The following MED27 variants were observed in gnomAD, a reference collection of about 807,000 sequenced individuals.
MED27 encodes mediator complex subunit 27, also known as mediator of RNA polymerase II transcription subunit 27.
A neutral mutation model predicts 38.2 loss-of-function variants in MED27; 30 were observed. The observed-to-expected ratio is 0.79, with a 90% confidence interval of 0.59 to 1.07. The LOEUF is 1.07. Ranked by LOEUF, MED27 falls within the 50% of genes least tolerant of loss-of-function variation. The pLI is 0.00. For synonymous variants in MED27, 122 were observed against 153.5 expected, an observed-to-expected ratio of 0.79 and a Z score of 1.52; for missense variants, 289 against 397.5, an observed-to-expected ratio of 0.73 and a Z score of 2.32.
At chr9:131,993,909 G>A (rs1236996794) in intron 3 of MED27, among the ~76,000 whole-genome samples, 3 of 152,140 alleles carry the variant, frequency 2.0e-5, no homozygotes, top group Non-Finnish European at 4.4e-5. Context: ...CTGAGCGGGT[G>A]TGTGTGAGTG....
chr9:132,028,081 C>A (rs954691359), intron 2 of MED27, among the ~76,000 whole-genome samples: 6 of 152,186 alleles, frequency 3.9e-5, no homozygotes, highest in African/African-American at 1.4e-4. Context: ...TTCCACCTGC[C>A]TCACCAGCAT....
chr9:131,930,032 CAGAG>C (rs112511169), intron 4 of MED27, among the ~76,000 whole-genome samples: 1 of 151,086 alleles, frequency 6.6e-6, no homozygotes, highest in African/African-American at 2.4e-5. Flanking sequence ...TGGCTTAGCA[CAGAG>C]AGAGAGAGAG....
At chr9:132,033,666 C>A (rs573645820) in intron 2 of MED27, among the ~76,000 whole-genome samples, 1 of 152,184 alleles carries the variant, frequency 6.6e-6, no homozygotes, top group African/African-American at 2.4e-5. Context: ...GAGTTAATAA[C>A]GGAATGCTGC....
chr9:132,012,255 A>G (rs1338350655), intron 3 of MED27, among the ~76,000 whole-genome samples: 1 of 152,246 alleles, frequency 6.6e-6, no homozygotes, highest in Non-Finnish European at 1.5e-5. Context: ...TAGAGAGCTG[A>G]AAGTTGAGAT....
At chr9:131,879,388 G>A (rs1838995904) in intron 6 of MED27, among the ~76,000 whole-genome samples, 1 of 152,152 alleles carries the variant, frequency 6.6e-6, no homozygotes, top group African/African-American at 2.4e-5. Flanking sequence ...GCTTCTTGTG[G>A]GCAAGAAAAC....
At chr9:132,005,640 A>T (rs1380549462) in intron 3 of MED27, among the ~76,000 whole-genome samples, 1 of 152,214 alleles carries the variant, frequency 6.6e-6, no homozygotes, top group East Asian at 1.9e-4. Context: ...TCTTTTGGCA[A>T]CTGAATAATT....
chr9:131,912,482 C>T lies in MED27; in HGVS notation c.574-18490G>A, dbSNP rs143404521. ...TGGTTTGATACCACACCTGACTTCA[C>T]TCACTCCCATGTCACTCCCTGCAGG... On this transcript the variant is annotated intron_variant, in intron 4 of 7. Transcript: ENST00000292035. Among the ~76,000 whole-genome samples, 43 of 152,270 alleles carry T rather than the reference C, an allele frequency of 2.8e-4. No homozygotes were observed. In the East Asian group the frequency reaches 7.5e-3, roughly 27 times the overall value.
intron 3 of MED27, among the ~76,000 whole-genome samples, chr9:132,008,513 T>C (rs1271731114): frequency 6.6e-6 from 1 of 152,236 alleles, no homozygotes; most frequent in Non-Finnish European, 1.5e-5. Flanking sequence ...TCTTTCATCA[T>C]GAACAAGATC....
At chr9:132,027,224 G>C (rs914552000) in intron 2 of MED27, among the ~76,000 whole-genome samples, 2 of 152,196 alleles carry the variant, frequency 1.3e-5, no homozygotes, top group Non-Finnish European at 2.9e-5. Context: ...GCACAGTTGT[G>C]CTCTGGTTAC....
intron 2 of MED27, among the ~76,000 whole-genome samples, chr9:132,062,694 T>C (rs1833724825): frequency 6.6e-6 from 1 of 151,928 alleles, no homozygotes; most frequent in Non-Finnish European, 1.5e-5. Context: ...CACAGCTCAC[T>C]ATAGCCTCAA....
At chr9:131,896,675 G>T (rs1829837433) in intron 4 of MED27, among the ~76,000 whole-genome samples, 1 of 151,914 alleles carries the variant, frequency 6.6e-6, no homozygotes, top group African/African-American at 2.4e-5. Flanking sequence ...ATTATCAAAG[G>T]CTTATGGTTT....
At chr9:131,908,202 G>C (rs1270672752) in intron 4 of MED27, among the ~76,000 whole-genome samples, 1 of 149,036 alleles carries the variant, frequency 6.7e-6, no homozygotes, top group Non-Finnish European at 1.5e-5. Flanking sequence ...CGCCCTACTG[G>C]GAAGTGAGGA....
chr9:132,014,428 G>T lies in MED27; in HGVS notation c.388C>A (p.Gln130Lys). ...TTAGCGGAACGCTTCAATGACTGCT[G>T]ATTTAAAAGGCCAGATGCTAGTCCT... ...HAGLASGLLNQQSLKRSANQM... is the reference protein window; with the variant it reads ...HAGLASGLLNKQSLKRSANQM... The change falls in exon 3 of 8, where the codon CAG becomes AAG. Residue 130 changes from glutamine to lysine, a missense_variant. Transcript: ENST00000292035. The T allele has an allele frequency of 6.2e-7, 1 of 1,614,082 alleles. No individual in the cohort carries two copies. Among genetic ancestry groups the T allele is most frequent in the Non-Finnish European group, 8.5e-7 (1 of 1,179,988 alleles).
At chr9:131,942,075 T>C (rs1830797973) in intron 3 of MED27, among the ~76,000 whole-genome samples, 1 of 152,104 alleles carries the variant, frequency 6.6e-6, no homozygotes, top group Non-Finnish European at 1.5e-5. Flanking sequence ...TCTGCCCACC[T>C]TGGCTTCCCA....
chr9:132,029,364 TA>T (rs1416173761), intron 2 of MED27, among the ~76,000 whole-genome samples: 1 of 152,130 alleles, frequency 6.6e-6, no homozygotes, highest in Non-Finnish European at 1.5e-5. Flanking sequence ...AAACTAAGAG[TA>T]AAAAAGTAAA....
intron 2 of MED27, among the ~76,000 whole-genome samples, chr9:132,072,029 G>A (rs919683119): frequency 6.7e-6 from 1 of 149,720 alleles, no homozygotes; most frequent in African/African-American, 2.5e-5. Context: ...TGCGCAACAC[G>A]CACCCCGTGA....
At chr9:131,989,187 C>T (rs575701624) in intron 3 of MED27, among the ~76,000 whole-genome samples, 2 of 152,104 alleles carry the variant, frequency 1.3e-5, no homozygotes, top group East Asian at 3.8e-4. Flanking sequence ...GATGAAGAAA[C>T]TAAGGATTAT....
At chr9:131,863,005 T>C in intron 7 of MED27, 58 bp downstream of exon 7, 3 of 1,472,226 alleles carry the variant, frequency 2.0e-6, no homozygotes, top group Non-Finnish European at 2.8e-6. Context: ...AAGCTCCCTG[T>C]TCTCACTTGA....
At chr9:131,890,719 A>C (rs535670105) in intron 5 of MED27, among the ~76,000 whole-genome samples, 124 of 152,254 alleles carry the variant, frequency 8.1e-4, no homozygotes, top group South Asian at 6.6e-3. Context: ...TGTGCCCTTG[A>C]GGAGCTCCTG....
Sources: allele counts gnomAD v4.1 joint callset (sites outside exome capture counted in the v4.1 genomes callset), GRCh38; gene constraint gnomAD v4.1.1; transcripts MANE v1.5; gene names NCBI Gene and HGNC (gene_info 2026-07-23, HGNC 2026-07-21).